WDR37: variants seen among roughly 807,000 people sequenced by gnomAD.
WDR37 encodes WD repeat domain 37.
WDR37 carries 19 observed loss-of-function variants against 62.9 expected under a neutral mutation model. That is an observed-to-expected ratio of 0.30 (90% CI 0.21 to 0.44). The LOEUF (loss-of-function observed/expected upper bound fraction) is 0.44. WDR37 is among the 20% of genes least tolerant of loss of function. WDR37 has a pLI of 1.00. For missense variants in WDR37, 474 were observed against 657.6 expected, an observed-to-expected ratio of 0.72 and a Z score of 3.05; for synonymous variants, 250 against 260.9, an observed-to-expected ratio of 0.96 and a Z score of 0.40.
intron 13 of WDR37, among the ~76,000 whole-genome samples, chr10:1,127,076 A>G (rs560651406): frequency 1.2e-4 from 19 of 152,326 alleles, no homozygotes; most frequent in South Asian, 4.1e-4. Flanking sequence ...TCTCTTTTCA[A>G]TGTGCCCATG....
chr10:1,069,387 A>ATTTTTTTTTTT (rs1368989652), intron 1 of WDR37, among the ~76,000 whole-genome samples: 4 of 30,440 alleles, frequency 1.3e-4, no homozygotes, highest in Non-Finnish European at 2.4e-4. Context: ...ATATATATAT[A>ATTTTTTTTTTT]TATTTTTTTT....
chr10:1,084,191 A>C (rs183618051), intron 5 of WDR37, among the ~76,000 whole-genome samples: 107 of 152,178 alleles, frequency 7.0e-4, no homozygotes, highest in African/African-American at 2.4e-3. Flanking sequence ...TCGCCGCGAG[A>C]GCTGCACGCA....
intron 11 of WDR37, among the ~76,000 whole-genome samples, chr10:1,107,946 G>A (rs1164049467): frequency 7.2e-5 from 11 of 152,126 alleles, no homozygotes; most frequent in African/African-American, 2.4e-5. Context: ...TAACAGACAC[G>A]CCCACTTATC....
Position 1,131,883 on chromosome 10 carries a change from A to G in WDR37, c.*2539A>G, listed in dbSNP as rs1046860281. On this transcript the variant is annotated 3_prime_UTR_variant, in exon 14 of 14. Transcript: ENST00000263150. The stretch of plus-strand genomic sequence containing the variant: ...AAAACTGTATATGATACAGAATTTC[A>G]TAAGAGCCATGCTGTTGGGCAAAGC... The G allele has an allele frequency of 1.3e-5, 2 of 152,660 alleles. No individual in the cohort carries two copies. Among genetic ancestry groups the G allele is most frequent in the African/African-American group, 2.4e-5 (1 of 41,470 alleles). The allele number at this position is 152,660 out of a possible 1,614,324, so 9.5% of individuals were successfully genotyped here. A position where few individuals can be genotyped will look rare whatever the true frequency, so the allele number is the denominator to read the frequency against.
intron 1 of WDR37, among the ~76,000 whole-genome samples, chr10:1,067,371 C>A (rs562819829): frequency 5.3e-5 from 8 of 152,096 alleles, no homozygotes; most frequent in Non-Finnish European, 1.5e-5. Flanking sequence ...AAATGTTTGG[C>A]CCCTAGGGAT....
intron 11 of WDR37, among the ~76,000 whole-genome samples, chr10:1,120,105 G>A (rs894386245): frequency 2.6e-5 from 4 of 152,210 alleles, no homozygotes; most frequent in African/African-American, 7.2e-5. Context: ...TGACTTCTCC[G>A]TTTCTTGGTC....
chr10:1,105,185 T>C lies in WDR37; in HGVS notation c.1021T>C (p.Ser341Pro). Residue 341 changes from serine to proline, a missense_variant, in exon 11 of 14, where the codon TCC becomes CCC. Transcript: ENST00000263150. This position sits in a 1 kb window ranked among gnomAD's most constrained non-coding sequence, Gnocchi z 5.3. ...THPTQRLVVT[S>P]SRDTTFRLWD... Reference sequence around the variant, plus strand: ...CCCCACCCAGCGGCTCGTGGTGACCTCCTCCCGTGACACGACTTTCCGCCT... The same window carrying C: ...CCCCACCCAGCGGCTCGTGGTGACCCCCTCCCGTGACACGACTTTCCGCCT... The C allele has an allele frequency of 6.2e-7, 1 of 1,614,052 alleles. No homozygotes were observed. The highest frequency in any genetic ancestry group is 8.5e-7 in the Non-Finnish European group (1 of 1,180,002).
intron 8 of WDR37, 94 bp downstream of exon 8, chr10:1,093,590 C>G (rs1423529510): frequency 9.3e-7 from 1 of 1,069,736 alleles, no homozygotes; most frequent in African/African-American, 1.6e-5. Flanking sequence ...TAATCCATGG[C>G]TTTTATGAAA....
intron 1 of WDR37, among the ~76,000 whole-genome samples, chr10:1,064,919 G>A (rs1833492194): frequency 6.6e-6 from 1 of 152,090 alleles, no homozygotes; most frequent in Admixed American, 6.6e-5. Flanking sequence ...ATCAGAAATT[G>A]TGGAGGGCAT....
chr10:1,083,060 C>T (rs771079754), intron 5 of WDR37, among the ~76,000 whole-genome samples: 46 of 152,032 alleles, frequency 3.0e-4, no homozygotes, highest in Non-Finnish European at 5.6e-4. Flanking sequence ...AATTTACCAC[C>T]GCTTATTATG....
intron 1 of WDR37, among the ~76,000 whole-genome samples, chr10:1,059,274 G>A (rs1389862392): frequency 6.6e-6 from 1 of 152,158 alleles, no homozygotes; most frequent in African/African-American, 2.4e-5. Flanking sequence ...TACTCAGGAG[G>A]CTGAAGCAGG....
At chr10:1,084,199 G>A (rs539965952) in intron 5 of WDR37, among the ~76,000 whole-genome samples, 2 of 152,278 alleles carry the variant, frequency 1.3e-5, no homozygotes, top group East Asian at 1.9e-4. Flanking sequence ...AGAGCTGCAC[G>A]CATTCTCTGT....
At position 1,129,387 on chromosome 10, in the gene WDR37, C is replaced by T. The variant is rs775295655; in HGVS notation, c.*43C>T. 8 of 1,612,260 alleles carry T rather than the reference C, an allele frequency of 5.0e-6. No individual in the cohort carries two copies. The South Asian group carries it at 5.5e-5, about 11-fold the overall frequency. On this transcript the variant is annotated 3_prime_UTR_variant, in exon 14 of 14. Coordinates refer to ENST00000263150, the MANE Select transcript of WDR37 (RefSeq NM_014023.4). ...AGTTTCACTGTTTGCCAGCACAGAC[C>T]TTTGATGGGTGCAGGCTTTTCTGCG...
chr10:1,112,562 G>A (rs1835250351), intron 11 of WDR37, among the ~76,000 whole-genome samples: 1 of 152,224 alleles, frequency 6.6e-6, no homozygotes, highest in South Asian at 2.1e-4. Flanking sequence ...AGGCAGAGAG[G>A]CTGAAAGCTG....
intron 1 of WDR37, among the ~76,000 whole-genome samples, chr10:1,069,389 A>ATATTTTTT: frequency 1.0e-5 from 1 of 95,806 alleles, no homozygotes; most frequent in Non-Finnish European, 1.9e-5. Context: ...ATATATATAT[A>ATATTTTTT]TTTTTTTTTT....
chr10:1,118,888 G>A (rs1008553692), intron 11 of WDR37, among the ~76,000 whole-genome samples: 1 of 152,162 alleles, frequency 6.6e-6, no homozygotes, highest in African/African-American at 2.4e-5. Flanking sequence ...CTGGAAGTCA[G>A]CTGTTGCTTT....
At chr10:1,086,477 A>G (rs1282027007) in intron 7 of WDR37, 120 bp downstream of exon 7, 2 of 741,174 alleles carry the variant, frequency 2.7e-6, no homozygotes, top group Admixed American at 2.3e-5. Context: ...TTCGGTTGTC[A>G]GGGGACAGTG....
intron 11 of WDR37, among the ~76,000 whole-genome samples, chr10:1,112,852 G>A (rs1835258415): frequency 2.0e-5 from 3 of 152,236 alleles, no homozygotes; most frequent in African/African-American, 7.2e-5. Flanking sequence ...GGTTTATGAG[G>A]TTTAAGGAAG....
intron 1 of WDR37, among the ~76,000 whole-genome samples, chr10:1,060,241 T>C (rs1833332561): frequency 6.6e-6 from 1 of 152,242 alleles, no homozygotes; most frequent in African/African-American, 2.4e-5. Context: ...CTGCTGTGTG[T>C]AGAGCACTGT....
Sources: allele counts gnomAD v4.1 joint callset (sites outside exome capture counted in the v4.1 genomes callset), GRCh38; gene constraint gnomAD v4.1.1; non-coding constraint Gnocchi (gnomAD v3.1); transcripts MANE v1.5; gene names NCBI Gene and HGNC (gene_info 2026-07-23, HGNC 2026-07-21).